The following AGAP1 variants were observed in gnomAD, a reference collection of about 807,000 sequenced individuals.
The protein encoded by AGAP1 is arf-GAP with GTPase, ANK repeat and PH domain-containing protein 1.
AGAP1 carries 29 observed loss-of-function variants against 105.3 expected under a neutral mutation model. That is an observed-to-expected ratio of 0.28 (90% CI 0.21 to 0.38). The LOEUF is 0.38. Among genes scored for constraint, AGAP1 ranks in the 10% least tolerant of loss-of-function variants. AGAP1 has a pLI of 1.00. For synonymous variants in AGAP1, 509 were observed against 485.9 expected (o/e 1.05, Z -0.63); for missense variants, 998 against 1,165.1 (o/e 0.86, Z 2.09).
intron 5 of AGAP1, among the ~76,000 whole-genome samples, chr2:235,749,805 T>A (rs1953281181): frequency 6.6e-6 from 1 of 152,212 alleles, no homozygotes; most frequent in African/African-American, 2.4e-5. Flanking sequence ...TCTTTTCTGC[T>A]TGCCTCTCTG....
chr2:236,011,547 C>T (rs1207707626), intron 13 of AGAP1, among the ~76,000 whole-genome samples: 4 of 152,122 alleles, frequency 2.6e-5, no homozygotes, highest in Admixed American at 2.6e-4. Flanking sequence ...AGCAAAATAG[C>T]AGAATGGAAA....
chr2:235,523,705 CG>C (rs963962702), intron 1 of AGAP1, among the ~76,000 whole-genome samples: 22 of 152,172 alleles, frequency 1.4e-4, no homozygotes, highest in African/African-American at 5.1e-4. Flanking sequence ...ACAGACATGG[CG>C]GGGGGTGGTG....
intron 6 of AGAP1, among the ~76,000 whole-genome samples, chr2:235,790,749 T>G (rs12475524): frequency 0.26 from 39,322 of 152,130 alleles, 5,450 homozygotes; most frequent in Admixed American, 0.4. Context: ...CATCCAGTTG[T>G]TGTGTGCCCA....
At position 235,705,001 on chromosome 2, in the gene AGAP1, C is replaced by CA. The variant is rs1341664334; in HGVS notation, c.164-4177dup. 9.5e-5 allele frequency among the ~76,000 whole-genome samples: 10 copies of CA among 104,714 alleles called. No homozygotes were observed. The highest frequency in any genetic ancestry group is 2.6e-4 in the Admixed American group (2 of 7,664). 68.7% of individuals were successfully genotyped at this position (104,714 alleles called of 152,430 possible). A position where few individuals can be genotyped will look rare whatever the true frequency, so the allele number is the denominator to read the frequency against. ...TTTTTTTTTTTTTTTTTTTTTGCGA[C>CA]AGAGTCTCACTCTGTTGCCCAGGCT... On this transcript the variant is annotated intron_variant, in intron 1 of 17. Coordinates refer to ENST00000304032, the MANE Select transcript of AGAP1 (RefSeq NM_001037131.3). This position sits in a 1 kb window ranked among gnomAD's most constrained non-coding sequence, Gnocchi z 4.9.
In AGAP1 at chr2:235,692,141, G is replaced by A. The variant is rs902404104; in HGVS notation, c.164-17038G>A. Among the ~76,000 whole-genome samples the A allele has an allele frequency of 1.3e-5, 2 of 152,072 alleles. No individual in the cohort carries two copies. Among genetic ancestry groups the A allele is most frequent in the Non-Finnish European group, 2.9e-5 (2 of 68,020 alleles). ...TCATCTAAGAAGCTTTTGTACATGC[G>A]TTATGTATCCATAAGCCAAAGCCGG... On this transcript the variant is annotated intron_variant, in intron 1 of 17. Transcript: ENST00000304032. This position sits in a 1 kb window ranked among gnomAD's most constrained non-coding sequence, Gnocchi z 5.8.
rs187637455 is a variant in AGAP1 at position 236,053,338 on chromosome 2, G to A, written c.2114+4057G>A. ...ACATGTCAGGTGCTCTTGCTACTTCGGGGCCTTGGAATTCCTCATGTGAGT... is the reference window on the plus strand; with the variant it reads ...ACATGTCAGGTGCTCTTGCTACTTCAGGGCCTTGGAATTCCTCATGTGAGT... On this transcript the variant is annotated intron_variant, in intron 16 of 17. Coordinates refer to ENST00000304032, the MANE Select transcript of AGAP1 (RefSeq NM_001037131.3). The surrounding 1 kb of genome is among the most constrained non-coding windows in gnomAD (Gnocchi z 4.6). Among the ~76,000 whole-genome samples, 5 of 152,316 alleles carry A rather than the reference G, an allele frequency of 3.3e-5. No homozygotes were observed. The highest frequency in any genetic ancestry group is 4.1e-4 in the South Asian group (2 of 4,828).
intron 16 of AGAP1, among the ~76,000 whole-genome samples, chr2:236,098,836 T>C (rs1021236434): frequency 6.6e-6 from 1 of 151,850 alleles, no homozygotes; most frequent in African/African-American, 2.4e-5. Context: ...TTGACCAGGC[T>C]GATTTCAAAC....
chr2:235,616,035 G>T (rs567127260), intron 1 of AGAP1, among the ~76,000 whole-genome samples: 2 of 152,198 alleles, frequency 1.3e-5, no homozygotes, highest in South Asian at 4.1e-4. Context: ...AATATATTTG[G>T]CTTTGTTGAT....
chr2:235,937,038 G>A lies in AGAP1; in HGVS notation c.1483+6115G>A, dbSNP rs60724627. ...TGCTTTTCAAGGAAATATGTTCTAA[G>A]ATGGATAGACATTTTGTCTTCTCTC... On this transcript the variant is annotated intron_variant, in intron 12 of 17. Coordinates refer to ENST00000304032, the MANE Select transcript of AGAP1 (RefSeq NM_001037131.3). Among the ~76,000 whole-genome samples the A allele has an allele frequency of 9.2e-3, 1,406 of 152,166 alleles. 22 individuals are homozygous for A. Among genetic ancestry groups the A allele is most frequent in the African/African-American group, 0.032 (1,323 of 41,496 alleles).
chr2:235,656,461 C>T (rs953579572), intron 1 of AGAP1, among the ~76,000 whole-genome samples: 2 of 152,116 alleles, frequency 1.3e-5, no homozygotes, highest in Non-Finnish European at 2.9e-5. Context: ...ACCTGCTCCA[C>T]CCTGACTCAT....
rs369071165 is a variant in AGAP1, at chr2:235,893,703, C to T, written c.1155+10254C>T. Among the ~76,000 whole-genome samples, 15 of 152,140 alleles carry T rather than the reference C, an allele frequency of 9.9e-5. No individual in the cohort carries two copies. The highest frequency in any genetic ancestry group is 3.9e-4 in the East Asian group (2 of 5,184). Reference sequence around the variant, plus strand: ...TAGTGTATGTCATTGAGGAGGAGGGCTGTGTTCCCCACAGTCTGCCCAGGG... The same window carrying T: ...TAGTGTATGTCATTGAGGAGGAGGGTTGTGTTCCCCACAGTCTGCCCAGGG... On this transcript the variant is annotated intron_variant, in intron 10 of 17. Coordinates refer to ENST00000304032, the MANE Select transcript of AGAP1 (RefSeq NM_001037131.3). This position sits in a 1 kb window ranked among gnomAD's most constrained non-coding sequence, Gnocchi z 4.7.
chr2:235,903,926 C>A (rs141249569), intron 10 of AGAP1, among the ~76,000 whole-genome samples: 1 of 152,060 alleles, frequency 6.6e-6, no homozygotes, highest in Non-Finnish European at 1.5e-5. Flanking sequence ...TCTGGTACAC[C>A]GAGATACTAA....
chr2:235,995,064 TCAAAAA>T (rs1189698081), intron 13 of AGAP1, among the ~76,000 whole-genome samples: 6 of 18,046 alleles, frequency 3.3e-4, no homozygotes, highest in East Asian at 1.8e-3. Context: ...AGACTCTGTC[TCAAAAA>T]AAAAAAAAAA....
In AGAP1 at chr2:236,090,415, A is replaced by G. The variant is rs577626101; in HGVS notation, c.2115-29777A>G. 1.3e-5 allele frequency among the ~76,000 whole-genome samples: 2 copies of G among 152,280 alleles called. No individual in the cohort carries two copies. The highest frequency in any genetic ancestry group is 1.9e-4 in the East Asian group (1 of 5,188). On this transcript the variant is annotated intron_variant, in intron 16 of 17. Coordinates refer to ENST00000304032, the MANE Select transcript of AGAP1 (RefSeq NM_001037131.3). This position sits in a 1 kb window ranked among gnomAD's most constrained non-coding sequence, Gnocchi z 4.3. ...TCACAAATTAGAAAATAATATTCAC[A>G]TGTTTCTTCTAATTGGTAACAGATT... is the stretch of plus-strand genomic sequence containing the variant.
At position 235,610,657 on chromosome 2, in the gene AGAP1, A is replaced by G. The variant is rs1946094934; in HGVS notation, c.164-98522A>G. 6.6e-6 allele frequency among the ~76,000 whole-genome samples: 1 copy of G among 152,150 alleles called. No individual in the cohort carries two copies. The highest frequency in any genetic ancestry group is 6.5e-5 in the Admixed American group (1 of 15,272). ...AATACAAATTTCAGGAGAGCTCAAT[A>G]CAGCCCATAGCACAGCGCTTCCGCA... On this transcript the variant is annotated intron_variant, in intron 1 of 17. Transcript: ENST00000304032. The surrounding 1 kb of genome is among the most constrained non-coding windows in gnomAD (Gnocchi z 4.9).
At chr2:235,742,581 A>G (rs1379718316) in intron 4 of AGAP1, among the ~76,000 whole-genome samples, 1 of 152,166 alleles carries the variant, frequency 6.6e-6, no homozygotes, top group Non-Finnish European at 1.5e-5. Flanking sequence ...GCAAAGTTAG[A>G]GGTCTGATAG....
intron 16 of AGAP1, among the ~76,000 whole-genome samples, chr2:236,086,076 A>ACTGC (rs767853423): frequency 3.9e-5 from 6 of 152,058 alleles, no homozygotes; most frequent in Non-Finnish European, 5.9e-5. Flanking sequence ...TCCTTTTCCT[A>ACTGC]CTGCCCTTTT....
chr2:235,563,917 T>C (rs1944252650), intron 1 of AGAP1, among the ~76,000 whole-genome samples: 1 of 152,092 alleles, frequency 6.6e-6, no homozygotes, highest in East Asian at 1.9e-4. Flanking sequence ...TTGCTCCAGG[T>C]TACATGGCTA....
chr2:235,644,306 G>A (rs1302553501), intron 1 of AGAP1, among the ~76,000 whole-genome samples: 1 of 152,184 alleles, frequency 6.6e-6, no homozygotes, highest in African/African-American at 2.4e-5. Flanking sequence ...GGAGCCTGTT[G>A]CCAGCGCGAT....
Sources: gnomAD v4.1 joint callset for allele counts (sites outside exome capture counted in the v4.1 genomes callset) on GRCh38, gnomAD v4.1.1 for gene constraint, Gnocchi (gnomAD v3.1) non-coding constraint, MANE v1.5 for transcripts, NCBI Gene and HGNC (gene_info 2026-07-23, HGNC 2026-07-21) for gene names.